Variants in HMCN1 observed in about 807,000 individuals in gnomAD.
The protein encoded by HMCN1 is hemicentin-1.
A neutral mutation model predicts 625.9 loss-of-function variants in HMCN1; 321 were observed. The observed-to-expected ratio is 0.51, with a 90% CI of 0.47 to 0.56. The LOEUF is 0.56. HMCN1 is among the 20% of genes least tolerant of loss of function. HMCN1 has a pLI of 0.00. For missense variants in HMCN1, 6,588 were observed against 6,887.3 expected, an observed-to-expected ratio of 0.96 and a Z score of 1.54; for synonymous variants, 2,425 against 2,417.6, an observed-to-expected ratio of 1.00 and a Z score of -0.09.
At chr1:185,938,778 C>T (rs1282703897) in intron 11 of HMCN1, among the ~76,000 whole-genome samples, 1 of 152,070 alleles carries the variant, frequency 6.6e-6, no homozygotes, top group Non-Finnish European at 1.5e-5. Context: ...TACCTGATAT[C>T]CAGTTTCCTT....
intron 2 of HMCN1, among the ~76,000 whole-genome samples, chr1:185,859,317 A>G (rs1662721813): frequency 6.6e-6 from 1 of 152,166 alleles, no homozygotes; most frequent in African/African-American, 2.4e-5. Context: ...CTTACAATTA[A>G]CAGTCTAAAA....
At chr1:186,048,034 T>C (rs1169686181) in intron 41 of HMCN1, among the ~76,000 whole-genome samples, 1 of 152,178 alleles carries the variant, frequency 6.6e-6, no homozygotes, top group Non-Finnish European at 1.5e-5. Flanking sequence ...TGTTATTACT[T>C]AAATATTATT....
chr1:186,095,675 T>C (rs191674454), intron 68 of HMCN1, among the ~76,000 whole-genome samples, 154 bp downstream of exon 68: 2 of 152,318 alleles, frequency 1.3e-5, no homozygotes, highest in African/African-American at 4.8e-5. Flanking sequence ...CACCTTGGCT[T>C]ACTCTCATCT....
chr1:185,905,141 C>G (rs748107988), intron 4 of HMCN1, among the ~76,000 whole-genome samples: 12 of 151,964 alleles, frequency 7.9e-5, no homozygotes, highest in Middle Eastern at 3.4e-3. Flanking sequence ...TGAGAAAGGA[C>G]TGTGTCACAA....
intron 11 of HMCN1, among the ~76,000 whole-genome samples, chr1:185,956,848 CTT>C (rs1649666469): frequency 6.6e-6 from 1 of 152,192 alleles, no homozygotes; most frequent in African/African-American, 2.4e-5. Flanking sequence ...GCAAAAGAAA[CTT>C]TTATCACTAC....
In HMCN1 at chr1:186,076,462, A is replaced by G; in HGVS notation, c.8325A>G (p.Gly2775=). Residue 2775 remains glycine, a synonymous_variant, in exon 54 of 107, where the codon GGA becomes GGG. Coordinates refer to ENST00000271588, the MANE Select transcript of HMCN1 (RefSeq NM_031935.3). The stretch of plus-strand genomic sequence containing the variant: ...GTTTTCAGAAACTCTGGGAAATAGG[A>G]AACATGCTAGATACTGGCAGGAATG... ...PPSFQKLWEI[G]NMLDTGRNGE... The G allele has an allele frequency of 1.2e-6, 2 of 1,613,714 alleles. No homozygotes were observed. Among genetic ancestry groups the G allele is most frequent in the Non-Finnish European group, 1.7e-6 (2 of 1,179,778 alleles).
At chr1:186,119,950 G>T in intron 79 of HMCN1, 61 bp from the exon 80 acceptor site, 1 of 1,613,816 alleles carries the variant, frequency 6.2e-7, no homozygotes, top group Non-Finnish European at 8.5e-7. Context: ...GAATCAGCAT[G>T]ATTGTTTTTA....
intron 75 of HMCN1, among the ~76,000 whole-genome samples, chr1:186,116,791 T>C (rs1458475674): frequency 2.6e-5 from 4 of 152,140 alleles, no homozygotes; most frequent in Non-Finnish European, 5.9e-5. Context: ...AAATATTATA[T>C]CAAGTTTGAG....
At chr1:186,083,139 A>G (rs1659271507) in intron 57 of HMCN1, among the ~76,000 whole-genome samples, 178 bp downstream of exon 57, 1 of 152,192 alleles carries the variant, frequency 6.6e-6, no homozygotes, top group African/African-American at 2.4e-5. Flanking sequence ...TATAAAGCAT[A>G]AAACTTCCAG....
Position 186,187,865 on chromosome 1 carries a change from T to G in HMCN1, c.16415-18T>G. 4 of 1,613,530 alleles carry G rather than the reference T, an allele frequency of 2.5e-6. No homozygotes were observed. The highest frequency in any genetic ancestry group is 3.4e-6 in the Non-Finnish European group (4 of 1,179,620). On this transcript the variant is annotated intron_variant, in intron 105 of 106. Coordinates refer to ENST00000271588, the MANE Select transcript of HMCN1 (RefSeq NM_031935.3). ...CACCCTCACTGCTGATGCTGCATGT[T>G]CCCTGTGCTGTCCCTAGATATCGAT... is the stretch of plus-strand genomic sequence containing the variant.
chr1:185,948,680 T>G (rs1668475472), intron 11 of HMCN1, among the ~76,000 whole-genome samples: 2 of 151,760 alleles, frequency 1.3e-5, no homozygotes, highest in African/African-American at 4.9e-5. Flanking sequence ...GGCATATATG[T>G]GCAAGTCACA....
chr1:186,140,627 A>G (rs865870060), intron 89 of HMCN1, among the ~76,000 whole-genome samples: 1 of 152,166 alleles, frequency 6.6e-6, no homozygotes, highest in Non-Finnish European at 1.5e-5. Context: ...TAGAGTCTCT[A>G]TAAACATCTT....
chr1:185,902,403 ATCTC>A (rs200299028), intron 4 of HMCN1, among the ~76,000 whole-genome samples: 2 of 124,412 alleles, frequency 1.6e-5, no homozygotes, highest in African/African-American at 6.7e-5. Context: ...CTATCTATCT[ATCTC>A]TATCTATCTA....
At position 185,933,636 on chromosome 1, in the gene HMCN1, T is replaced by C; in HGVS notation, c.1640T>C (p.Val547Ala). 6.2e-7 allele frequency: 1 copy of C among 1,614,052 alleles called. No homozygotes were observed. Among genetic ancestry groups the C allele is most frequent in the Non-Finnish European group, 8.5e-7 (1 of 1,179,960 alleles). ...AVLTCLIISA[V>A]DYNLTWQRND... ...TTAACATGTCTCATCATCAGTGCGG[T>C]GGATTACAATCTAACCTGGCAGAGG... The change falls in exon 11 of 107, where the codon GTG (valine) becomes GCG (alanine). Residue 547 changes from valine to alanine, a missense_variant. Val to Ala is a moderately conservative substitution (Grantham distance 64). Transcript: ENST00000271588.
At chr1:185,891,833 A>G (rs989541419) in intron 4 of HMCN1, among the ~76,000 whole-genome samples, 2 of 147,342 alleles carry the variant, frequency 1.4e-5, no homozygotes, top group Non-Finnish European at 2.9e-5. Context: ...CGTTCTCTCT[A>G]TTTCCTGAAT....
intron 1 of HMCN1, among the ~76,000 whole-genome samples, chr1:185,750,855 G>T: frequency 6.8e-6 from 1 of 147,708 alleles, no homozygotes; most frequent in African/African-American, 2.5e-5. Flanking sequence ...CCCTCCTATT[G>T]GCTTAGAAAT....
chr1:186,123,866 G>A (rs1661516799), intron 81 of HMCN1, among the ~76,000 whole-genome samples: 1 of 151,988 alleles, frequency 6.6e-6, no homozygotes, highest in South Asian at 2.1e-4. Context: ...AGGAGTTTCT[G>A]CCTTTTCATT....
At position 186,128,024 on chromosome 1, in the gene HMCN1, A is replaced by G. The variant is rs948800761; in HGVS notation, c.12691-54A>G. On this transcript the variant is annotated intron_variant, in intron 82 of 106. Transcript: ENST00000271588. ...CTAGCTATGCAATTTGATGTATTTT[A>G]TGTACTATGATGGATGATTATGAAA... 5.3e-5 allele frequency: 77 copies of G among 1,457,694 alleles called. No individual in the cohort carries two copies. In the African/African-American group the frequency reaches 1.0e-3, roughly 19 times the overall value. The allele number at this position is 1,457,694 out of a possible 1,614,324, so 90.3% of individuals were successfully genotyped here. A position where few individuals can be genotyped will look rare whatever the true frequency, so the allele number is the denominator to read the frequency against.
intron 1 of HMCN1, among the ~76,000 whole-genome samples, chr1:185,829,703 G>T (rs1221629343): frequency 6.6e-6 from 1 of 152,126 alleles, no homozygotes; most frequent in Non-Finnish European, 1.5e-5. Flanking sequence ...ATTGTAAATA[G>T]TGCTGCAATA....
Sources: allele counts gnomAD v4.1 joint callset (sites outside exome capture counted in the v4.1 genomes callset), GRCh38; gene constraint gnomAD v4.1.1; transcripts MANE v1.5; gene names NCBI Gene and HGNC (gene_info 2026-07-23, HGNC 2026-07-21).